The following MCF2L variants were observed in gnomAD, a reference collection of about 807,000 sequenced individuals.
MCF2L encodes guanine nucleotide exchange factor DBS.
A neutral mutation model predicts 153.4 loss-of-function variants in MCF2L; 97 were observed. That is an observed-to-expected ratio of 0.63 (90% CI 0.54 to 0.75). MCF2L has a LOEUF of 0.75. Ranked by LOEUF, MCF2L falls within the 30% of genes least tolerant of loss-of-function variation. MCF2L has a pLI of 0.00. For missense variants in MCF2L, 1,347 were observed against 1,495.2 expected, an observed-to-expected ratio of 0.90 and a Z score of 1.64; for synonymous variants, 659 against 632.2, an observed-to-expected ratio of 1.04 and a Z score of -0.64.
chr13:112,968,694 C>T (rs553162521), upstream of MCF2L: 3 of 1,427,698 alleles, frequency 2.1e-6, no homozygotes, highest in East Asian at 8.7e-5. Context: ...AGCTTCTACA[C>T]CTGCCACGGG....
chr13:112,897,761 G>A (rs1471459078), intron 1 of MCF2L, among the ~76,000 whole-genome samples: 1 of 152,236 alleles, frequency 6.6e-6, no homozygotes, highest in African/African-American at 2.4e-5. Context: ...CTCCTGTGGG[G>A]ACAGGCCCAC....
intron 2 of MCF2L, among the ~76,000 whole-genome samples, chr13:112,931,354 C>T (rs971760591): frequency 3.9e-5 from 6 of 152,210 alleles, no homozygotes; most frequent in Non-Finnish European, 7.3e-5. Flanking sequence ...CCCGTAGATA[C>T]AGGTCGGCAG....
chr13:112,945,976 G>C (rs1202836498), intron 2 of MCF2L, among the ~76,000 whole-genome samples: 1 of 152,166 alleles, frequency 6.6e-6, no homozygotes, highest in Non-Finnish European at 1.5e-5. Flanking sequence ...AGGAGCTGCT[G>C]CGTGTTCAGA....
chr13:113,094,158 G>A, intron 26 of MCF2L: 1 of 176,146 alleles, frequency 5.7e-6, no homozygotes, highest in Non-Finnish European at 1.2e-5. Context: ...GGCACTCACT[G>A]AAAACACCTG....
chr13:113,048,687 C>T (rs1483426580), intron 4 of MCF2L, among the ~76,000 whole-genome samples: 2 of 152,206 alleles, frequency 1.3e-5, no homozygotes, highest in Non-Finnish European at 2.9e-5. Context: ...CGTGATCCGC[C>T]TGCCTCGGCC....
intron 2 of MCF2L, among the ~76,000 whole-genome samples, chr13:112,917,886 A>AG (rs1452002921): frequency 6.6e-6 from 1 of 152,116 alleles, no homozygotes; most frequent in Non-Finnish European, 1.5e-5. Context: ...TCACCTGCCC[A>AG]CCCCCCTGCT....
At chr13:112,965,273 C>T (rs2993347), upstream of MCF2L, 56,041 of 152,026 alleles carry the variant, frequency 0.37, 10,522 homozygotes, top group Middle Eastern at 0.48. Flanking sequence ...ACACTGGCCC[C>T]GGAGGGGGAG....
At chr13:112,918,618 G>A (rs1351835569) in intron 2 of MCF2L, among the ~76,000 whole-genome samples, 1 of 152,212 alleles carries the variant, frequency 6.6e-6, no homozygotes, top group Non-Finnish European at 1.5e-5. Flanking sequence ...AGCTGCCTTG[G>A]AAGATTCCAG....
At chr13:112,937,367 G>T (rs936744443) in intron 2 of MCF2L, among the ~76,000 whole-genome samples, 2 of 152,194 alleles carry the variant, frequency 1.3e-5, no homozygotes, top group Non-Finnish European at 2.9e-5. Context: ...TGAAATTATA[G>T]TATGGTGGAC....
intron 27 of MCF2L, chr13:113,095,782 C>T: frequency 5.0e-6 from 5 of 1,000,732 alleles, no homozygotes; most frequent in Non-Finnish European, 6.0e-6. Context: ...TCTGTAGGAA[C>T]AGCTGCCGCT....
At position 113,074,910 on chromosome 13, in the gene MCF2L, G is replaced by A. The variant is rs1566846633; in HGVS notation, c.1117-88G>A. On this transcript the variant is annotated intron_variant, in intron 10 of 29. Transcript: ENST00000535094. This position sits in a 1 kb window ranked among gnomAD's most constrained non-coding sequence, Gnocchi z 4.2. ...AACAAAGAAATCAAGACACACGTGT[G>A]CCCCGGGACACACATCCCGTACAGC... The A allele has an allele frequency of 8.5e-7, 1 of 1,183,246 alleles. No individual in the cohort carries two copies. Among genetic ancestry groups the A allele is most frequent in the Non-Finnish European group, 1.2e-6 (1 of 836,702 alleles). The allele number at this position is 1,183,246 out of a possible 1,614,324, so 73.3% of individuals were successfully genotyped here. A position where few individuals can be genotyped will look rare whatever the true frequency, so the allele number is the denominator to read the frequency against.
intron 5 of MCF2L, among the ~76,000 whole-genome samples, chr13:113,063,686 T>C (rs1317928024): frequency 6.6e-6 from 1 of 152,198 alleles, no homozygotes; most frequent in Admixed American, 6.5e-5. Context: ...GAGTGGGGAC[T>C]CCACTGGGGG....
chr13:113,085,351 AGGG>A (rs2034529781), intron 20 of MCF2L, among the ~76,000 whole-genome samples, 173 bp downstream of exon 20: 1 of 152,112 alleles, frequency 6.6e-6, no homozygotes, highest in Non-Finnish European at 1.5e-5. Context: ...CGCCACTGTT[AGGG>A]GTCTGAGGAC....
rs200614769 is a variant in MCF2L at position 113,084,859 on chromosome 13, A to C, written c.2062-33A>C. On this transcript the variant is annotated intron_variant, in intron 18 of 29. Transcript: ENST00000535094. ...CCGCGTGATGCGCTGCCCATCCCTC[A>C]CTGCGTGATGCGGTGCCTGTCCCTC... 5 of 1,539,442 alleles carry C rather than the reference A, an allele frequency of 3.2e-6. No individual in the cohort carries two copies. The East Asian group carries it at 6.8e-5, about 21-fold the overall frequency.
chr13:113,031,787 G>A lies in MCF2L; in HGVS notation c.278+7029G>A, dbSNP rs1021260169. 5.9e-5 allele frequency among the ~76,000 whole-genome samples: 9 copies of A among 152,032 alleles called. No individual in the cohort carries two copies. Among genetic ancestry groups the A allele is most frequent in the African/African-American group, 1.5e-4 (6 of 41,378 alleles). On this transcript the variant is annotated intron_variant, in intron 3 of 29. Coordinates refer to ENST00000535094, the MANE Select transcript of MCF2L (RefSeq NM_001112732.3). This position sits in a 1 kb window ranked among gnomAD's most constrained non-coding sequence, Gnocchi z 5.5. Reference sequence around the variant, plus strand: ...GACTCCATCTACCAGCCAGCTTGCCGGGACAGGGGTCACATTCAGCCCATA... The same window carrying A: ...GACTCCATCTACCAGCCAGCTTGCCAGGACAGGGGTCACATTCAGCCCATA...
chr13:113,029,843 A>G (rs1395964058), intron 3 of MCF2L, among the ~76,000 whole-genome samples: 2 of 152,206 alleles, frequency 1.3e-5, no homozygotes, highest in Non-Finnish European at 2.9e-5. Flanking sequence ...TTTAAGTGGG[A>G]AAAAAGTGAA....
At chr13:112,902,491 C>T (rs896752426) in intron 2 of MCF2L, 12 of 1,036,540 alleles carry the variant, frequency 1.2e-5, no homozygotes, top group Non-Finnish European at 1.6e-5. Context: ...CCTGGGAATG[C>T]ATGACCCCCC....
chr13:112,923,230 T>G (rs2081369973), intron 2 of MCF2L, among the ~76,000 whole-genome samples: 2 of 151,672 alleles, frequency 1.3e-5, no homozygotes, highest in Non-Finnish European at 2.9e-5. Context: ...GCTACCCTTT[T>G]ATCTCCATGA....
At chr13:112,913,951 C>T (rs940031644) in intron 2 of MCF2L, among the ~76,000 whole-genome samples, 2 of 152,156 alleles carry the variant, frequency 1.3e-5, no homozygotes, top group Non-Finnish European at 2.9e-5. Flanking sequence ...ATCCATCAGC[C>T]CCCCAATGCC....
Sources: gnomAD v4.1 joint callset for allele counts (sites outside exome capture counted in the v4.1 genomes callset) on GRCh38, gnomAD v4.1.1 for gene constraint, Gnocchi (gnomAD v3.1) non-coding constraint, MANE v1.5 for transcripts, NCBI Gene and HGNC (gene_info 2026-07-23, HGNC 2026-07-21) for gene names.